PGBD5: variants seen among roughly 807,000 people sequenced by gnomAD.
PGBD5 encodes the protein piggyBac transposable element derived 5.
In PGBD5, 14 loss-of-function variants were observed where a neutral mutation model predicts 47.9. That is an observed-to-expected ratio of 0.29 (90% CI 0.19 to 0.46). The LOEUF is 0.46. PGBD5 is among the 20% of genes least tolerant of loss of function. The pLI is 1.00. For synonymous variants in PGBD5, 316 were observed against 306.3 expected, an observed-to-expected ratio of 1.03 and a Z score of -0.33; for missense variants, 635 against 716.0, an observed-to-expected ratio of 0.89 and a Z score of 1.29.
chr1:230,329,273 C>T (rs1020292087), intron 5 of PGBD5, among the ~76,000 whole-genome samples: 2 of 152,122 alleles, frequency 1.3e-5, no homozygotes. Flanking sequence ...CTGCATTTAA[C>T]TTTTTAAAAA....
Position 230,356,985 on chromosome 1 carries a change from C to G in PGBD5, c.668G>C (p.Ser223Thr). ...KYFHVVAFRSSQTTHGLYKVQ... is the reference protein window; with the variant it reads ...KYFHVVAFRSTQTTHGLYKVQ... ...CTTGTAGAGCCCGTGCGTGGTCTGG[C>G]TGGAGCGGAAGGCCACGACGTGGAA... is the stretch of plus-strand genomic sequence containing the variant. The change falls in exon 2 of 7, where the codon AGC becomes ACC. Residue 223 changes from serine to threonine, a missense_variant. Transcript: ENST00000391860. 1 of 1,614,184 alleles carries G rather than the reference C, an allele frequency of 6.2e-7. No individual in the cohort carries two copies. The highest frequency in any genetic ancestry group is 8.5e-7 in the Non-Finnish European group (1 of 1,180,038).
rs542514116 is a variant in PGBD5, at chr1:230,349,298, C to A, written c.894+1660G>T. Among the ~76,000 whole-genome samples the A allele has an allele frequency of 1.9e-4, 29 of 152,134 alleles. No homozygotes were observed. In the South Asian group the frequency reaches 6.0e-3, roughly 32 times the overall value. On this transcript the variant is annotated intron_variant, in intron 3 of 6. Transcript: ENST00000391860. Reference sequence around the variant, plus strand: ...ATCTCAGCATTTTGGGAGGCCGAGGCGGGATGATCACTTGAGCCCAGGAGT... The same window carrying A: ...ATCTCAGCATTTTGGGAGGCCGAGGAGGGATGATCACTTGAGCCCAGGAGT...
At chr1:230,410,410 C>T (rs1159121021) in intron 1 of PGBD5, among the ~76,000 whole-genome samples, 1 of 152,172 alleles carries the variant, frequency 6.6e-6, no homozygotes, top group Non-Finnish European at 1.5e-5. Flanking sequence ...ACCTATGCCA[C>T]ATTTTTAAAG....
At chr1:230,326,240 A>C (rs1667115566) in intron 5 of PGBD5, among the ~76,000 whole-genome samples, 1 of 152,168 alleles carries the variant, frequency 6.6e-6, no homozygotes, top group South Asian at 2.1e-4. Context: ...CAACATGGCA[A>C]AACCCCATCT....
intron 3 of PGBD5, among the ~76,000 whole-genome samples, chr1:230,347,270 A>ATGGGAGAG (rs948603316): frequency 2.0e-5 from 3 of 152,176 alleles, no homozygotes; most frequent in South Asian, 2.1e-4. Flanking sequence ...TCTATGGAAG[A>ATGGGAGAG]TGGGAGAGTG....
rs1657742298 is a variant in PGBD5 at position 230,425,067 on chromosome 1, G to C, written c.331+531C>G. On this transcript the variant is annotated intron_variant, in intron 1 of 6. Coordinates refer to ENST00000391860, the MANE Select transcript of PGBD5 (RefSeq NM_001258311.2). This position sits in a 1 kb window ranked among gnomAD's most constrained non-coding sequence, Gnocchi z 4.7. Reference sequence around the variant, plus strand: ...TGGCGCGGACAGGGAAAGTTTCTCAGATTAAGGAGAAAACTAAGCCAAGTC... The same window carrying C: ...TGGCGCGGACAGGGAAAGTTTCTCACATTAAGGAGAAAACTAAGCCAAGTC... Among the ~76,000 whole-genome samples the C allele has an allele frequency of 6.6e-6, 1 of 152,164 alleles. No individual in the cohort carries two copies. The highest frequency in any genetic ancestry group is 1.5e-5 in the Non-Finnish European group (1 of 68,036).
intron 1 of PGBD5, among the ~76,000 whole-genome samples, chr1:230,400,664 TAG>T (rs763522804): frequency 0.084 from 12,308 of 145,680 alleles, 871 homozygotes; most frequent in East Asian, 0.19. Context: ...TTTTCTTTCT[TAG>T]AAATGTTAAA....
chr1:230,334,569 TCTC>T (rs1381399029), intron 4 of PGBD5, among the ~76,000 whole-genome samples: 1 of 151,734 alleles, frequency 6.6e-6, no homozygotes, highest in Non-Finnish European at 1.5e-5. Flanking sequence ...CTCTGATTCT[TCTC>T]CTCAACCTTG....
intron 2 of PGBD5, among the ~76,000 whole-genome samples, chr1:230,354,949 T>C (rs181995271): frequency 2.0e-5 from 3 of 151,082 alleles, no homozygotes; most frequent in Non-Finnish European, 4.4e-5. Context: ...GAGGAAGAGG[T>C]GGAAAAGTGA....
chr1:230,328,523 G>A (rs781352756), intron 5 of PGBD5, among the ~76,000 whole-genome samples: 1 of 152,218 alleles, frequency 6.6e-6, no homozygotes, highest in South Asian at 2.1e-4. Flanking sequence ...TGTCTTGACT[G>A]AGTGAATCAC....
At chr1:230,363,152 G>A (rs1159427775) in intron 1 of PGBD5, among the ~76,000 whole-genome samples, 14 of 152,210 alleles carry the variant, frequency 9.2e-5, no homozygotes. Context: ...CGCACACACA[G>A]GCAAGAAGGC....
At position 230,396,988 on chromosome 1, in the gene PGBD5, G is replaced by A. The variant is rs61824798; in HGVS notation, c.331+28610C>T. Among the ~76,000 whole-genome samples, 548 of 152,258 alleles carry A rather than the reference G, an allele frequency of 3.6e-3. 1 individual carries two copies. Among genetic ancestry groups the A allele is most frequent in the Middle Eastern group, 0.01 (3 of 294 alleles). On this transcript the variant is annotated intron_variant, in intron 1 of 6. Coordinates refer to ENST00000391860, the MANE Select transcript of PGBD5 (RefSeq NM_001258311.2). ...GCCCTTTCCAGGGGTTTGGAGTCAC[G>A]CCTTGGGGGTCCTTTCTAAGGACAG... is the stretch of plus-strand genomic sequence containing the variant.
chr1:230,324,243 G>A (rs1054520939), intron 6 of PGBD5, among the ~76,000 whole-genome samples: 1 of 152,146 alleles, frequency 6.6e-6, no homozygotes, highest in African/African-American at 2.4e-5. Context: ...TGGGAGGATC[G>A]GTATCCTCAA....
At chr1:230,335,634 GACACAA>G (rs1317288031) in intron 4 of PGBD5, among the ~76,000 whole-genome samples, 1 of 87,722 alleles carries the variant, frequency 1.1e-5, no homozygotes, top group African/African-American at 3.4e-5. Context: ...TACACACACA[GACACAA>G]ACACAGACGC....
rs981919941 is a variant in PGBD5 at position 230,357,446 on chromosome 1, C to G, written c.332-125G>C. ...GTGCCCCCGCTGCCTCCAGTGCTAC[C>G]GCCTTCCCCTCCAACCTTCCAGAAG... On this transcript the variant is annotated intron_variant, in intron 1 of 6. Transcript: ENST00000391860. This position sits in a 1 kb window ranked among gnomAD's most constrained non-coding sequence, Gnocchi z 5.7. The G allele has an allele frequency of 2.7e-5, 28 of 1,025,830 alleles. No individual in the cohort carries two copies. Among genetic ancestry groups the G allele is most frequent in the Non-Finnish European group, 2.4e-5 (17 of 713,640 alleles). The allele number at this position is 1,025,830 out of a possible 1,614,324, so 63.5% of individuals were successfully genotyped here.
chr1:230,419,916 A>C (rs1488152220), intron 1 of PGBD5, among the ~76,000 whole-genome samples: 2 of 152,152 alleles, frequency 1.3e-5, no homozygotes, highest in Non-Finnish European at 2.9e-5. Flanking sequence ...ACCTGAGGTA[A>C]GGAGTTCAAG....
chr1:230,381,970 C>T (rs1656511955), intron 1 of PGBD5, among the ~76,000 whole-genome samples: 1 of 152,212 alleles, frequency 6.6e-6, no homozygotes, highest in African/African-American at 2.4e-5. Context: ...TTGTCATTCA[C>T]AGCTTTAAAA....
intron 2 of PGBD5, among the ~76,000 whole-genome samples, chr1:230,353,043 A>G (rs1667582783): frequency 6.6e-6 from 1 of 152,234 alleles, no homozygotes; most frequent in South Asian, 2.1e-4. Context: ...TCAAAGCAAA[A>G]GGGCCAGCAA....
rs781200501 is a variant in PGBD5, at chr1:230,325,384, G to C, written c.1305C>G (p.Ile435Met). ...GVIIKRKSGEIPCPLAVEAFA... is the reference protein window; with the variant it reads ...GVIIKRKSGEMPCPLAVEAFA... ...ACGCCTCCACGGCCAAGGGGCATGGGATCTCCCCACTCTTCCTTTTGATGA... is the reference window on the plus strand; with the variant it reads ...ACGCCTCCACGGCCAAGGGGCATGGCATCTCCCCACTCTTCCTTTTGATGA... The change falls in exon 6 of 7, where the codon ATC (isoleucine) becomes ATG (methionine). Residue 435 changes from isoleucine to methionine, a missense_variant. Transcript: ENST00000391860. 6.2e-7 allele frequency: 1 copy of C among 1,613,586 alleles called. No individual in the cohort carries two copies. The highest frequency in any genetic ancestry group is 2.2e-5 in the East Asian group (1 of 44,840).
Sources: gnomAD v4.1 joint callset for allele counts (sites outside exome capture counted in the v4.1 genomes callset) on GRCh38, gnomAD v4.1.1 for gene constraint, Gnocchi (gnomAD v3.1) non-coding constraint, MANE v1.5 for transcripts, NCBI Gene and HGNC (gene_info 2026-07-23, HGNC 2026-07-21) for gene names.